The following RUSF1 variants were observed in gnomAD, a reference collection of about 807,000 sequenced individuals.
RUSF1 encodes RUS family member 1, also known as RUS1 family protein C16orf58.
RUSF1 carries 58 observed loss-of-function variants against 63.0 expected under a neutral mutation model. The ratio of observed to expected loss-of-function variants is 0.92; its 90% CI spans 0.75 to 1.15. The LOEUF is 1.15. Ranked by LOEUF, RUSF1 falls within the 50% of genes most tolerant of loss-of-function variation. The pLI is 0.00. For synonymous variants in RUSF1, 274 were observed against 255.8 expected (o/e 1.07, Z -0.68); for missense variants, 652 against 611.0 (o/e 1.07, Z -0.71).
chr16:31,490,575 G>A lies in RUSF1; in HGVS notation c.*260C>T. 1 of 1,529,734 alleles carries A rather than the reference G, an allele frequency of 6.5e-7. No individual in the cohort carries two copies. 94.8% of individuals were successfully genotyped at this position (1,529,734 alleles called of 1,614,324 possible). ...GACACCATAAGCCACAGCCTCACAG[G>A]AAGTGGGGGTGAGGAGCCTGCGGTG... On this transcript the variant is annotated 3_prime_UTR_variant, in exon 13 of 13. Coordinates refer to ENST00000327237, the MANE Select transcript of RUSF1 (RefSeq NM_022744.4).
intron 5 of RUSF1, among the ~76,000 whole-genome samples, chr16:31,497,689 A>T (rs2082611530): frequency 6.6e-6 from 1 of 152,158 alleles, no homozygotes; most frequent in Non-Finnish European, 1.5e-5. Flanking sequence ...TACAAGTCAG[A>T]CCCAGGCCCT....
At chr16:31,499,586 T>C in intron 3 of RUSF1, 61 bp from the exon 4 acceptor site, 2 of 1,500,198 alleles carry the variant, frequency 1.3e-6, no homozygotes, top group Admixed American at 1.9e-5. Flanking sequence ...CTATGGGCAG[T>C]GTGGGGAGTC....
chr16:31,491,305 T>C (rs1290295805), intron 12 of RUSF1, among the ~76,000 whole-genome samples: 1 of 151,888 alleles, frequency 6.6e-6, no homozygotes, highest in East Asian at 1.9e-4. Flanking sequence ...GTCCCAAACT[T>C]AGGATTGCAG....
intron 3 of RUSF1, among the ~76,000 whole-genome samples, chr16:31,500,312 C>T (rs2082626191): frequency 6.6e-6 from 1 of 152,202 alleles, no homozygotes; most frequent in African/African-American, 2.4e-5. Context: ...GCCCAGTGAA[C>T]TGCCCAATAC....
At chr16:31,507,706 GC>G in intron 2 of RUSF1, 57 bp downstream of exon 2, 5 of 1,480,604 alleles carry the variant, frequency 3.4e-6, no homozygotes, top group Non-Finnish European at 4.6e-6. Flanking sequence ...ACACATAAGA[GC>G]CCAGCGAAAG....
intron 12 of RUSF1, among the ~76,000 whole-genome samples, chr16:31,491,370 G>C (rs749049159): frequency 6.6e-6 from 1 of 150,684 alleles, no homozygotes; most frequent in Non-Finnish European, 1.5e-5. Context: ...CCCAGGCTGG[G>C]GTACAGTGAC....
chr16:31,501,318 G>A (rs2142656327), intron 2 of RUSF1, among the ~76,000 whole-genome samples: 1 of 152,168 alleles, frequency 6.6e-6, no homozygotes, highest in African/African-American at 2.4e-5. Context: ...TGGGTATGGT[G>A]GCTCAGGCCT....
In RUSF1 at chr16:31,493,477, A is replaced by T. The variant is rs772213183; in HGVS notation, c.1006T>A (p.Leu336Met). The change falls in exon 9 of 13, where the codon TTG (leucine) becomes ATG (methionine). Residue 336 changes from leucine to methionine, a missense_variant. Transcript: ENST00000327237. ...CGCTAGGCCACTCACCTGGAGACCA[A>T]GCGGTGTAAGGGGACCCCCAGGGAT... Reference protein sequence around the residue: ...SLSLGVPLHRLVSSVFELQQL... With the variant: ...SLSLGVPLHRMVSSVFELQQL... 5 of 1,607,072 alleles carry T rather than the reference A, an allele frequency of 3.1e-6. No individual in the cohort carries two copies. Among genetic ancestry groups the T allele is most frequent in the South Asian group, 2.2e-5 (2 of 89,942 alleles).
chr16:31,489,650 G>T lies in RUSF1; in HGVS notation c.*1185C>A. 1.9e-6 allele frequency: 1 copy of T among 513,100 alleles called. No homozygotes were observed. Among genetic ancestry groups the T allele is most frequent in the South Asian group, 2.1e-5 (1 of 47,706 alleles). The allele number at this position is 513,100 out of a possible 1,614,324, so 31.8% of individuals were successfully genotyped here. Reference sequence around the variant, plus strand: ...TACCATCTTGAACGCCCACAAAAAGGTTTGGTTTTGTTGCCAAAGGGCAGG... The same window carrying T: ...TACCATCTTGAACGCCCACAAAAAGTTTTGGTTTTGTTGCCAAAGGGCAGG... On this transcript the variant is annotated 3_prime_UTR_variant, in exon 13 of 13. Coordinates refer to ENST00000327237, the MANE Select transcript of RUSF1 (RefSeq NM_022744.4).
At chr16:31,507,990 G>A (rs2082670099) in intron 1 of RUSF1, 84 bp downstream of exon 1, 2 of 1,540,020 alleles carry the variant, frequency 1.3e-6, no homozygotes, top group Admixed American at 2.0e-5. Flanking sequence ...CCCGCCCCCC[G>A]GGCTCCGAGT....
chr16:31,499,219 A>G, intron 5 of RUSF1, 83 bp downstream of exon 5: 1 of 1,204,194 alleles, frequency 8.3e-7, no homozygotes, highest in African/African-American at 1.5e-5. Flanking sequence ...TTGAAGTGGC[A>G]GGTAAACTCA....
chr16:31,494,246 C>A (rs959546462), intron 6 of RUSF1, among the ~76,000 whole-genome samples: 3 of 152,026 alleles, frequency 2.0e-5, no homozygotes, highest in Admixed American at 1.3e-4. Context: ...TTTGGTGGGG[C>A]ATAGTGGCTC....
chr16:31,505,841 G>A (rs1412742563), intron 2 of RUSF1, among the ~76,000 whole-genome samples: 1 of 152,104 alleles, frequency 6.6e-6, no homozygotes, highest in Non-Finnish European at 1.5e-5. Flanking sequence ...TGCTTCTAAT[G>A]TTTCTTCTCA....
chr16:31,493,689 C>A lies in RUSF1; in HGVS notation c.872G>T (p.Arg291Leu). ...GTAGTGCTTCAGGACCAGCCGGAGC[C>A]GGCCTTCGTTCAAGGTCTCCATGAC... Reference protein sequence around the residue: ...ALVMETLNEGRLRLVLKHYLQ... With the variant: ...ALVMETLNEGLLRLVLKHYLQ... Residue 291 changes from arginine (R) to leucine (L), a missense_variant, in exon 8 of 13, where the codon CGG (arginine) becomes CTG (leucine). Arg to Leu is a moderately radical substitution (Grantham distance 102, BLOSUM62 -2). Transcript: ENST00000327237. 1 of 1,614,230 alleles carries A rather than the reference C, an allele frequency of 6.2e-7. No individual in the cohort carries two copies. The highest frequency in any genetic ancestry group is 8.5e-7 in the Non-Finnish European group (1 of 1,180,042).
rs1248636495 is a variant in RUSF1 at position 31,490,597 on chromosome 16, G to A, written c.*238C>T. 7.9e-6 allele frequency: 11 copies of A among 1,397,366 alleles called. No homozygotes were observed. Among genetic ancestry groups the A allele is most frequent in the Admixed American group, 5.8e-5 (3 of 51,928 alleles). The allele number at this position is 1,397,366 out of a possible 1,614,324, so 86.6% of individuals were successfully genotyped here. Reference sequence around the variant, plus strand: ...CAGGAAGTGGGGGTGAGGAGCCTGCGGTGCTCCCCAGAAAAGGGGAAGGGG... The same window carrying A: ...CAGGAAGTGGGGGTGAGGAGCCTGCAGTGCTCCCCAGAAAAGGGGAAGGGG... On this transcript the variant is annotated 3_prime_UTR_variant, in exon 13 of 13. Coordinates refer to ENST00000327237, the MANE Select transcript of RUSF1 (RefSeq NM_022744.4).
At chr16:31,502,553 T>C (rs938313832) in intron 2 of RUSF1, among the ~76,000 whole-genome samples, 1 of 152,222 alleles carries the variant, frequency 6.6e-6, no homozygotes, top group Admixed American at 6.5e-5. Flanking sequence ...CCTGAAGATA[T>C]GGCCACACTG....
Position 31,499,474 on chromosome 16 carries a change from C to T in RUSF1, c.494+19G>A, listed in dbSNP as rs757469444. ...TTCATAATGGAAGACTCCCCTCCCC[C>T]GTCCCCGCCCCTCCTCACCTCCACT... On this transcript the variant is annotated intron_variant, in intron 4 of 12. Coordinates refer to ENST00000327237, the MANE Select transcript of RUSF1 (RefSeq NM_022744.4). The T allele has an allele frequency of 6.1e-5, 97 of 1,594,146 alleles. 1 individual carries two copies. The highest frequency in any genetic ancestry group is 6.6e-5 in the South Asian group (6 of 90,330).
intron 6 of RUSF1, 39 bp from the exon 7 acceptor site, chr16:31,493,975 C>A (rs1411615649): frequency 6.2e-7 from 1 of 1,601,942 alleles, no homozygotes; most frequent in Non-Finnish European, 8.5e-7. Context: ...GGAAGGTGCC[C>A]CTCCAGGCCA....
In RUSF1 at chr16:31,490,460, C is replaced by A. The variant is rs778330418; in HGVS notation, c.*375G>T. 3 of 1,613,930 alleles carry A rather than the reference C, an allele frequency of 1.9e-6. No individual in the cohort carries two copies. The highest frequency in any genetic ancestry group is 2.7e-5 in the African/African-American group (2 of 74,948). ...TGGAGGACATCAGCGAGGACCCGAGCTGGGCCCGTGTGGTCAACCTCAATG... is the reference window on the plus strand; with the variant it reads ...TGGAGGACATCAGCGAGGACCCGAGATGGGCCCGTGTGGTCAACCTCAATG... On this transcript the variant is annotated 3_prime_UTR_variant, in exon 13 of 13. Coordinates refer to ENST00000327237, the MANE Select transcript of RUSF1 (RefSeq NM_022744.4).
Sources: allele counts gnomAD v4.1 joint callset (sites outside exome capture counted in the v4.1 genomes callset), GRCh38; gene constraint gnomAD v4.1.1; transcripts MANE v1.5; gene names NCBI Gene and HGNC (gene_info 2026-07-23, HGNC 2026-07-21).